BBOX1: variants seen among roughly 807,000 people sequenced by gnomAD.
BBOX1 encodes the protein gamma-butyrobetaine hydroxylase 1.
A neutral mutation model predicts 41.6 loss-of-function variants in BBOX1; 35 were observed. The observed-to-expected ratio is 0.84, with a 90% CI of 0.64 to 1.11. BBOX1 has a LOEUF of 1.11. Among genes scored for constraint, BBOX1 ranks in the 50% most tolerant of loss-of-function variants. BBOX1 has a pLI of 0.00. For missense variants in BBOX1, 458 were observed against 460.6 expected, an observed-to-expected ratio of 0.99 and a Z score of 0.05; for synonymous variants, 163 against 154.7, an observed-to-expected ratio of 1.05 and a Z score of -0.40.
chr11:27,067,795 T>C (rs1313835848), intron 4 of BBOX1, among the ~76,000 whole-genome samples: 2 of 151,922 alleles, frequency 1.3e-5, no homozygotes, highest in East Asian at 1.9e-4. Context: ...TTAAAAAACA[T>C]AGTTGAGCTC....
intron 5 of BBOX1, among the ~76,000 whole-genome samples, chr11:27,114,927 G>A (rs570641653): frequency 6.6e-6 from 1 of 151,892 alleles, no homozygotes; most frequent in African/African-American, 2.4e-5. Flanking sequence ...AATCCACAGA[G>A]ACAGAAAGCA....
chr11:27,052,764 A>G (rs1032541950), intron 2 of BBOX1, among the ~76,000 whole-genome samples: 8 of 152,124 alleles, frequency 5.3e-5, no homozygotes, highest in Non-Finnish European at 1.0e-4. Flanking sequence ...AGACATGACC[A>G]TCTATTGCTG....
intron 4 of BBOX1, among the ~76,000 whole-genome samples, chr11:27,059,192 C>G (rs1206877859): frequency 6.6e-6 from 1 of 152,102 alleles, no homozygotes; most frequent in Non-Finnish European, 1.5e-5. Flanking sequence ...TCCAAGGGGC[C>G]CAGGTACAGG....
At chr11:27,095,854 G>A (rs1858421283) in intron 5 of BBOX1, among the ~76,000 whole-genome samples, 1 of 151,970 alleles carries the variant, frequency 6.6e-6, no homozygotes, top group Non-Finnish European at 1.5e-5. Flanking sequence ...ATGTGCAAAA[G>A]TGATACTGAA....
At chr11:27,042,701 A>G (rs1205166221) in intron 2 of BBOX1, among the ~76,000 whole-genome samples, 1 of 152,158 alleles carries the variant, frequency 6.6e-6, no homozygotes, top group East Asian at 1.9e-4. Flanking sequence ...ATTGTTAAGT[A>G]TCTCAGCCAC....
At chr11:27,115,333 T>C in intron 5 of BBOX1, 119 bp from the exon 6 acceptor site, 1 of 736,434 alleles carries the variant, frequency 1.4e-6, no homozygotes, top group Non-Finnish European at 2.2e-6. Context: ...ATAGTCATTA[T>C]GGTAATTATT....
rs1309037938 is a variant in BBOX1, at chr11:27,125,684, C to T, written c.867C>T (p.Ile289=). The T allele has an allele frequency of 6.3e-7, 1 of 1,593,354 alleles. No individual in the cohort carries two copies. The change falls in exon 8 of 9, where the codon ATC becomes ATT. Residue 289 remains isoleucine, a synonymous_variant. Coordinates refer to ENST00000263182, the MANE Select transcript of BBOX1 (RefSeq NM_003986.3). ...ATGATAAAGGCCAAGTGGTTCGCAT[C>T]AACTTCAATAACGCAACTAGGGACA... ...ELDDKGQVVR[I]NFNNATRDTI... is the part of the protein sequence containing the mutation.
chr11:27,096,991 T>A (rs1858461550), intron 5 of BBOX1, among the ~76,000 whole-genome samples: 1 of 152,050 alleles, frequency 6.6e-6, no homozygotes, highest in Non-Finnish European at 1.5e-5. Context: ...AATATTTTTT[T>A]ATGCAACCAT....
At chr11:27,086,259 TA>T (rs543271803) in intron 4 of BBOX1, among the ~76,000 whole-genome samples, 45 of 152,138 alleles carry the variant, frequency 3.0e-4, no homozygotes, top group Non-Finnish European at 5.0e-4. Flanking sequence ...TTTTCATAGC[TA>T]AAAAAGAGAG....
intron 4 of BBOX1, among the ~76,000 whole-genome samples, chr11:27,059,193 C>A (rs901765349): frequency 1.3e-5 from 2 of 152,146 alleles, no homozygotes; most frequent in Non-Finnish European, 2.9e-5. Context: ...CCAAGGGGCC[C>A]AGGTACAGGT....
intron 2 of BBOX1, among the ~76,000 whole-genome samples, chr11:27,052,084 T>C (rs1211172674): frequency 6.6e-6 from 1 of 152,074 alleles, no homozygotes; most frequent in Non-Finnish European, 1.5e-5. Context: ...TTTCACATAT[T>C]TGTGAAAACT....
rs965657777 is a variant in BBOX1, at chr11:27,127,805, T to C, written c.*352T>C. 9 of 195,828 alleles carry C rather than the reference T, an allele frequency of 4.6e-5. 1 individual carries two copies. Among genetic ancestry groups the C allele is most frequent in the South Asian group, 4.5e-4 (4 of 8,976 alleles). 12.1% of individuals were successfully genotyped at this position (195,828 alleles called of 1,614,324 possible). ...AAATAAAACTTGTCTCAAAACATGCTTCTACCCTGTTGCCTATAGGATCTC... is the reference window on the plus strand; with the variant it reads ...AAATAAAACTTGTCTCAAAACATGCCTCTACCCTGTTGCCTATAGGATCTC... On this transcript the variant is annotated 3_prime_UTR_variant, in exon 9 of 9. Transcript: ENST00000263182.
intron 4 of BBOX1, among the ~76,000 whole-genome samples, chr11:27,074,798 C>A (rs1564965250): frequency 6.6e-6 from 1 of 152,166 alleles, no homozygotes; most frequent in African/African-American, 2.4e-5. Flanking sequence ...GAAATCTTAG[C>A]ACTTTAAAAT....
chr11:27,063,641 AG>A lies in BBOX1; in HGVS notation c.334+6327del, dbSNP rs199979443. Among the ~76,000 whole-genome samples, 233 of 148,538 alleles carry A rather than the reference AG, an allele frequency of 1.6e-3. 2 individuals are homozygous for A. The East Asian group carries it at 0.031, about 20-fold the overall frequency. ...AGTTTTCTCAGCAATCCAGGGATGG[AG>A]TACATTGCACAGTCAAAAAAAAAAA... On this transcript the variant is annotated intron_variant, in intron 4 of 8. Coordinates refer to ENST00000263182, the MANE Select transcript of BBOX1 (RefSeq NM_003986.3).
chr11:27,080,067 A>G (rs1857783681), intron 4 of BBOX1, among the ~76,000 whole-genome samples: 1 of 152,082 alleles, frequency 6.6e-6, no homozygotes, highest in Non-Finnish European at 1.5e-5. Flanking sequence ...ATCATTTTCC[A>G]TATGGCAGCA....
chr11:27,116,625 C>G (rs1859273686), intron 6 of BBOX1, among the ~76,000 whole-genome samples: 1 of 151,936 alleles, frequency 6.6e-6, no homozygotes, highest in Non-Finnish European at 1.5e-5. Context: ...TGGCTTGGGA[C>G]AGATTGACTT....
intron 2 of BBOX1, among the ~76,000 whole-genome samples, chr11:27,050,730 T>G (rs1365581192): frequency 6.6e-6 from 1 of 152,112 alleles, no homozygotes; most frequent in Non-Finnish European, 1.5e-5. Flanking sequence ...TTCTAAAAGT[T>G]TTTTCTGCAG....
chr11:27,101,041 T>G (rs1224442878), intron 5 of BBOX1, among the ~76,000 whole-genome samples: 2 of 152,062 alleles, frequency 1.3e-5, no homozygotes, highest in Non-Finnish European at 2.9e-5. Context: ...CATTAACCCA[T>G]TATCCCCCAA....
chr11:27,107,634 G>A (rs1053798900), intron 5 of BBOX1, among the ~76,000 whole-genome samples: 3 of 151,952 alleles, frequency 2.0e-5, no homozygotes, highest in African/African-American at 7.2e-5. Flanking sequence ...TGTCTCTAAT[G>A]AGGGGTGCAT....
Sources: allele counts gnomAD v4.1 joint callset (sites outside exome capture counted in the v4.1 genomes callset), GRCh38; gene constraint gnomAD v4.1.1; transcripts MANE v1.5; gene names NCBI Gene and HGNC (gene_info 2026-07-23, HGNC 2026-07-21).